Variants in ARFGEF1 observed in about 807,000 individuals in gnomAD.
ARFGEF1 encodes brefeldin A-inhibited guanine nucleotide-exchange protein 1.
Under a neutral mutation model 231.0 loss-of-function variants are expected in ARFGEF1, and 42 were observed. The ratio of observed to expected loss-of-function variants is 0.18; its 90% CI spans 0.14 to 0.24. The LOEUF (loss-of-function observed/expected upper bound fraction) is 0.24, where lower values mean the gene tolerates loss of function less well. ARFGEF1 is among the 10% of genes least tolerant of loss of function. The pLI is 1.00. For missense variants in ARFGEF1, 1,345 were observed against 2,192.0 expected (o/e 0.61, Z 7.72); for synonymous variants, 710 against 732.3 (o/e 0.97, Z 0.49).
intron 29 of ARFGEF1, among the ~76,000 whole-genome samples, chr8:67,222,608 G>A (rs771529937): frequency 7.2e-5 from 11 of 151,928 alleles, no homozygotes; most frequent in African/African-American, 1.7e-4. Context: ...GCACCACCAC[G>A]CCTCGCTAAT....
intron 7 of ARFGEF1, among the ~76,000 whole-genome samples, chr8:67,284,861 G>A (rs1436461321): frequency 1.3e-5 from 2 of 152,038 alleles, no homozygotes; most frequent in Admixed American, 6.6e-5. Flanking sequence ...AAGACTCTTC[G>A]GAGAACTAGC....
chr8:67,267,769 T>A (rs964451535), intron 10 of ARFGEF1, among the ~76,000 whole-genome samples: 4 of 152,206 alleles, frequency 2.6e-5, no homozygotes, highest in Admixed American at 6.5e-5. Flanking sequence ...TACGCTTTTT[T>A]AATCCCCCTC....
chr8:67,314,415 T>C (rs1013055580), intron 1 of ARFGEF1, among the ~76,000 whole-genome samples: 1 of 152,192 alleles, frequency 6.6e-6, no homozygotes. Context: ...AATGGGCTGC[T>C]TGGGGACCCA....
chr8:67,225,243 T>G (rs1378920633), intron 28 of ARFGEF1, among the ~76,000 whole-genome samples: 2 of 152,210 alleles, frequency 1.3e-5, no homozygotes, highest in Non-Finnish European at 2.9e-5. Flanking sequence ...TATAAAGAGC[T>G]CTGGACTAGA....
chr8:67,193,202 C>T (rs978626232), downstream of ARFGEF1, among the ~76,000 whole-genome samples: 3 of 152,086 alleles, frequency 2.0e-5, no homozygotes, highest in Admixed American at 6.6e-5. Flanking sequence ...CTGCAGCCTC[C>T]ACCTCCTGCC....
chr8:67,285,442 A>G (rs998119190), intron 7 of ARFGEF1, among the ~76,000 whole-genome samples: 2 of 152,102 alleles, frequency 1.3e-5, no homozygotes, highest in African/African-American at 2.4e-5. Context: ...GCGTGAGCCC[A>G]AGAGACCGAG....
At chr8:67,328,773 T>G (rs2128931742) in intron 1 of ARFGEF1, among the ~76,000 whole-genome samples, 1 of 152,332 alleles carries the variant, frequency 6.6e-6, no homozygotes, top group Non-Finnish European at 1.5e-5. Context: ...CTGTTTGAAT[T>G]GAGTTAAAAT....
intron 1 of ARFGEF1, among the ~76,000 whole-genome samples, chr8:67,309,410 T>C (rs1387422253): frequency 2.0e-5 from 3 of 152,230 alleles, no homozygotes; most frequent in Non-Finnish European, 2.9e-5. Context: ...GTGAGTTACA[T>C]AGTATGCAGA....
In ARFGEF1 at chr8:67,321,598, G is replaced by C. The variant is rs868102458; in HGVS notation, c.125-19132C>G. On this transcript the variant is annotated intron_variant, in intron 1 of 38. Transcript: ENST00000262215. ...GCCTCAGCCTCCCGAGTAGCTGGGA[G>C]TACAGGCACCCGCCACCACGCCCGG... 9.2e-5 allele frequency among the ~76,000 whole-genome samples: 14 copies of C among 151,886 alleles called. No homozygotes were observed. In the East Asian group the frequency reaches 9.7e-4, roughly 11 times the overall value.
At chr8:67,176,864 G>T (rs1831778203) in intron 5 of ARFGEF1, among the ~76,000 whole-genome samples, 1 of 152,052 alleles carries the variant, frequency 6.6e-6, no homozygotes, top group African/African-American at 2.4e-5. Context: ...GAGGTCAGGA[G>T]TTCAAGACCA....
At chr8:67,179,952 T>G in intron 5 of ARFGEF1, 1 of 1,313,204 alleles carries the variant, frequency 7.6e-7, no homozygotes, top group Non-Finnish European at 1.1e-6. Flanking sequence ...TTATTAAGGC[T>G]ATATTGTTTA....
chr8:67,286,636 T>C (rs1805770835), intron 7 of ARFGEF1, among the ~76,000 whole-genome samples: 1 of 152,224 alleles, frequency 6.6e-6, no homozygotes, highest in Non-Finnish European at 1.5e-5. Flanking sequence ...TTAACTATAC[T>C]ATTATATGTT....
At chr8:67,190,331 A>G (rs1419791030) in intron 5 of ARFGEF1, among the ~76,000 whole-genome samples, 2 of 152,228 alleles carry the variant, frequency 1.3e-5, no homozygotes, top group Non-Finnish European at 2.9e-5. Context: ...ATTAAGTTGT[A>G]GAATTCCATT....
chr8:67,306,325 T>TC (rs1806743829), intron 1 of ARFGEF1, among the ~76,000 whole-genome samples: 1 of 152,224 alleles, frequency 6.6e-6, no homozygotes, highest in African/African-American at 2.4e-5. Flanking sequence ...CAAGATTTCA[T>TC]CATGCTACTA....
chr8:67,302,051 T>TA lies in ARFGEF1; in HGVS notation c.155+384dup, dbSNP rs1479621983. Among the ~76,000 whole-genome samples, 31 of 151,966 alleles carry TA rather than the reference T, an allele frequency of 2.0e-4. 1 individual carries two copies. The highest frequency in any genetic ancestry group is 7.0e-4 in the African/African-American group (29 of 41,484). On this transcript the variant is annotated intron_variant, in intron 2 of 38. Coordinates refer to ENST00000262215, the MANE Select transcript of ARFGEF1 (RefSeq NM_006421.5). ...GCAGAATCCCATCTCTACAAAAAATTAGACAGGCATGGTGGTGCTCGCCTG... is the reference window on the plus strand; with the variant it reads ...GCAGAATCCCATCTCTACAAAAAATTAAGACAGGCATGGTGGTGCTCGCCTG...
intron 1 of ARFGEF1, among the ~76,000 whole-genome samples, chr8:67,324,162 T>C (rs118190169): frequency 6.6e-6 from 1 of 152,258 alleles, no homozygotes; most frequent in East Asian, 1.9e-4. Context: ...CAACAACAAT[T>C]TCACTCCTTT....
intron 14 of ARFGEF1, among the ~76,000 whole-genome samples, chr8:67,261,830 CTTTT>C (rs34170422): frequency 5.1e-5 from 6 of 118,002 alleles, no homozygotes; most frequent in African/African-American, 1.5e-4. Context: ...AATTTCAAGT[CTTTT>C]TTTTTTTTTT....
At chr8:67,328,022 T>C (rs1282764009) in intron 1 of ARFGEF1, among the ~76,000 whole-genome samples, 1 of 152,116 alleles carries the variant, frequency 6.6e-6, no homozygotes, top group Non-Finnish European at 1.5e-5. Flanking sequence ...CTAGAAGAAT[T>C]TGAAATAGAG....
chr8:67,192,259 G>C (rs1330123575), intron 5 of ARFGEF1, among the ~76,000 whole-genome samples: 1 of 151,998 alleles, frequency 6.6e-6, no homozygotes, highest in African/African-American at 2.4e-5. Context: ...ATTTTTAGTA[G>C]AGTTGGGGTT....
Sources: allele counts gnomAD v4.1 joint callset (sites outside exome capture counted in the v4.1 genomes callset), GRCh38; gene constraint gnomAD v4.1.1; transcripts MANE v1.5; gene names NCBI Gene and HGNC (gene_info 2026-07-23, HGNC 2026-07-21).